Variants in MBD5 observed in about 807,000 individuals in gnomAD.
MBD5 encodes methyl-CpG binding domain protein 5.
MBD5 carries 13 observed loss-of-function variants against 117.3 expected under a neutral mutation model. The ratio of observed to expected loss-of-function variants is 0.11; its 90% CI spans 0.07 to 0.18. The LOEUF (loss-of-function observed/expected upper bound fraction) is 0.18. Among genes scored for constraint, MBD5 ranks in the 10% least tolerant of loss-of-function variants. The pLI is 1.00. For synonymous variants in MBD5, 727 were observed against 766.4 expected, an observed-to-expected ratio of 0.95 and a Z score of 0.85; for missense variants, 1,879 against 2,093.8, an observed-to-expected ratio of 0.90 and a Z score of 2.00.
rs144564245 is a variant in MBD5, at chr2:148,184,619, G to C, written c.-831+5826G>C. Among the ~76,000 whole-genome samples, 100 of 152,208 alleles carry C rather than the reference G, an allele frequency of 6.6e-4. 1 individual carries two copies. In the East Asian group the frequency reaches 0.019, roughly 28 times the overall value. On this transcript the variant is annotated intron_variant, in intron 2 of 13. Coordinates refer to ENST00000642680, the MANE Select transcript of MBD5 (RefSeq NM_001378120.1). The stretch of plus-strand genomic sequence containing the variant: ...CTTATTTTAAGTTCTTGGGACATCA[G>C]ATCTAATAATTCTGCTTCTCTTAGA...
chr2:148,183,058 A>G (rs1698567044), intron 2 of MBD5, among the ~76,000 whole-genome samples: 1 of 152,190 alleles, frequency 6.6e-6, no homozygotes, highest in South Asian at 2.1e-4. Context: ...TAATGCCCTG[A>G]ATTGACTTCC....
intron 8 of MBD5, among the ~76,000 whole-genome samples, chr2:148,480,265 T>A (rs1225933589): frequency 6.6e-6 from 1 of 152,114 alleles, no homozygotes; most frequent in African/African-American, 2.4e-5. Flanking sequence ...TTCAATAATA[T>A]TTAGATATTT....
chr2:148,326,086 GT>G (rs1702441785), intron 3 of MBD5, among the ~76,000 whole-genome samples: 1 of 152,016 alleles, frequency 6.6e-6, no homozygotes, highest in Admixed American at 6.6e-5. Context: ...CCTTCATTTC[GT>G]TATGTACCCA....
chr2:148,283,781 C>T (rs1023068201), intron 3 of MBD5, among the ~76,000 whole-genome samples: 1 of 152,186 alleles, frequency 6.6e-6, no homozygotes, highest in African/African-American at 2.4e-5. Context: ...AGTAAAATTT[C>T]TGCCTCTGGG....
rs2105303531 is a variant in MBD5 at position 148,515,511 on chromosome 2, A to G, written c.*2570A>G. The G allele has an allele frequency of 6.6e-6, 1 of 152,270 alleles. No individual in the cohort carries two copies. Among genetic ancestry groups the G allele is most frequent in the East Asian group, 1.9e-4 (1 of 5,194 alleles). 9.4% of individuals were successfully genotyped at this position (152,270 alleles called of 1,614,324 possible). On this transcript the variant is annotated 3_prime_UTR_variant, in exon 14 of 14. Coordinates refer to ENST00000642680, the MANE Select transcript of MBD5 (RefSeq NM_001378120.1). ...ATACAGTGCTGTAACATTTTTTTAA[A>G]TGTTGCACCTACTTTACAATTAAAA...
rs775197626 is a variant in MBD5, at chr2:148,490,274, G to C, written c.4642G>C (p.Glu1548Gln). 1.9e-6 allele frequency: 3 copies of C among 1,614,206 alleles called. No homozygotes were observed. The highest frequency in any genetic ancestry group is 1.6e-4 in the Middle Eastern group (1 of 6,062). ...CACTGCAAAGCAAGACCTGGTCCTA[G>C]AGGAGCAGTCTCCAAGTTCCTCAAA... is the stretch of plus-strand genomic sequence containing the variant. ...LSTAKQDLVL[E>Q]EQSPSSSNSL... is the part of the protein sequence containing the mutation. Residue 1548 changes from glutamate (E) to glutamine (Q), a missense_variant, in exon 11 of 14, where the codon GAG becomes CAG. This residue lies in a region of MBD5 where 1,666 missense variants were observed against 1,792.2 expected (regional missense o/e 0.93). Transcript: ENST00000642680.
intron 1 of MBD5, chr2:148,027,004 T>G (rs752739698): frequency 6.6e-6 from 1 of 152,196 alleles, no homozygotes; most frequent in Non-Finnish European, 1.5e-5. Flanking sequence ...TTGTGTGGAG[T>G]TACATTTAAT....
At chr2:148,311,356 G>A (rs927929676) in intron 3 of MBD5, among the ~76,000 whole-genome samples, 1 of 152,078 alleles carries the variant, frequency 6.6e-6, no homozygotes, top group African/African-American at 2.4e-5. Flanking sequence ...ATATATATTA[G>A]GTTAGTTAGC....
intron 2 of MBD5, among the ~76,000 whole-genome samples, chr2:148,185,452 TACATTTCTAG>T (rs1306019930): frequency 6.6e-6 from 1 of 152,218 alleles, no homozygotes; most frequent in African/African-American, 2.4e-5. Flanking sequence ...ACCCAGAGAT[TACATTTCTAG>T]AAATTTCTCC....
intron 4 of MBD5, among the ~76,000 whole-genome samples, chr2:148,445,165 C>T (rs957353053): frequency 2.7e-5 from 4 of 150,852 alleles, no homozygotes; most frequent in Admixed American, 6.6e-5. Context: ...ACTTTAAGTT[C>T]TAGGATACAT....
At chr2:148,369,512 T>C (rs1703795123) in intron 4 of MBD5, among the ~76,000 whole-genome samples, 1 of 152,148 alleles carries the variant, frequency 6.6e-6, no homozygotes, top group Non-Finnish European at 1.5e-5. Flanking sequence ...AAGTACAAAT[T>C]AAGCAGATAG....
intron 1 of MBD5, among the ~76,000 whole-genome samples, chr2:148,083,929 T>A (rs1695713935): frequency 6.6e-6 from 1 of 152,156 alleles, no homozygotes; most frequent in African/African-American, 2.4e-5. Flanking sequence ...CCTGGCTGAA[T>A]AGTTTTATTT....
chr2:148,469,141 G>T lies in MBD5; in HGVS notation c.1198G>T (p.Val400Phe). The change falls in exon 8 of 14, where the codon GTT becomes TTT. Residue 400 changes from valine (V) to phenylalanine (F), a missense_variant. Val to Phe is a conservative substitution (Grantham distance 50). This residue lies in a region of MBD5 where 1,666 missense variants were observed against 1,792.2 expected (regional missense o/e 0.93). Transcript: ENST00000642680. ...PMMNVSMPPA[V>F]VPLPSNLPLP... is the part of the protein sequence containing the mutation. ...GATGAATGTAAGCATGCCTCCTGCTGTTGTTCCTTTGCCAAGTAATCTCCC... is the reference window on the plus strand; with the variant it reads ...GATGAATGTAAGCATGCCTCCTGCTTTTGTTCCTTTGCCAAGTAATCTCCC... The T allele has an allele frequency of 6.2e-7, 1 of 1,614,054 alleles. No homozygotes were observed. The highest frequency in any genetic ancestry group is 8.5e-7 in the Non-Finnish European group (1 of 1,179,984).
chr2:148,165,004 G>C (rs1460655604), intron 1 of MBD5, among the ~76,000 whole-genome samples: 1 of 152,038 alleles, frequency 6.6e-6, no homozygotes, highest in Non-Finnish European at 1.5e-5. Context: ...GGAGTTTATT[G>C]TTTACTTGTT....
At chr2:148,509,845 A>T (rs1240736658) in intron 12 of MBD5, among the ~76,000 whole-genome samples, 1 of 151,852 alleles carries the variant, frequency 6.6e-6, no homozygotes, top group Non-Finnish European at 1.5e-5. Flanking sequence ...CCGCCCCACA[A>T]TCTGTTCAAC....
At chr2:148,103,264 T>G (rs970810207) in intron 1 of MBD5, among the ~76,000 whole-genome samples, 2 of 152,190 alleles carry the variant, frequency 1.3e-5, no homozygotes, top group African/African-American at 4.8e-5. Context: ...AAGTCTTTTT[T>G]TCTCTTCAGG....
intron 2 of MBD5, among the ~76,000 whole-genome samples, chr2:148,189,163 G>A (rs374686077): frequency 3.4e-5 from 5 of 146,918 alleles, no homozygotes; most frequent in East Asian, 2.0e-4. Context: ...ACTGCAAGGC[G>A]GCAACGAGGC....
intron 4 of MBD5, among the ~76,000 whole-genome samples, chr2:148,375,563 T>G (rs1703967036): frequency 6.6e-6 from 1 of 152,214 alleles, no homozygotes; most frequent in Non-Finnish European, 1.5e-5. Context: ...TGGATTACAT[T>G]GCTGGGATAT....
At chr2:148,097,416 A>G (rs150215569) in intron 1 of MBD5, among the ~76,000 whole-genome samples, 47 of 152,322 alleles carry the variant, frequency 3.1e-4, no homozygotes, top group Non-Finnish European at 6.5e-4. Context: ...GCTAAGTAAT[A>G]AAGAAGTCCT....
Sources: gnomAD v4.1 joint callset for allele counts (sites outside exome capture counted in the v4.1 genomes callset) on GRCh38, gnomAD v4.1.1 for gene constraint, gnomAD v4.1.1 regional missense constraint, MANE v1.5 for transcripts, NCBI Gene and HGNC (gene_info 2026-07-23, HGNC 2026-07-21) for gene names.